RASAL2: variants seen among roughly 807,000 people sequenced by gnomAD.
RASAL2 encodes RAS protein activator like 2.
Under a neutral mutation model 128.9 loss-of-function variants are expected in RASAL2, and 58 were observed. The observed-to-expected ratio is 0.45, with a 90% confidence interval of 0.36 to 0.56. The LOEUF (loss-of-function observed/expected upper bound fraction) is 0.56, where lower values mean the gene tolerates loss of function less well. RASAL2 is among the 20% of genes least tolerant of loss of function. The pLI is 0.00. For missense variants in RASAL2, 1,360 were observed against 1,601.6 expected, an observed-to-expected ratio of 0.85 and a Z score of 2.57; for synonymous variants, 561 against 580.8, an observed-to-expected ratio of 0.97 and a Z score of 0.49.
intron 3 of RASAL2, among the ~76,000 whole-genome samples, chr1:178,360,290 T>G (rs1671040048): frequency 6.6e-6 from 1 of 152,162 alleles, no homozygotes; most frequent in Non-Finnish European, 1.5e-5. Flanking sequence ...GAAAAGGTGT[T>G]CTGGTCTGAT....
intron 1 of RASAL2, among the ~76,000 whole-genome samples, chr1:178,233,110 G>A (rs780329561): frequency 6.6e-6 from 1 of 152,194 alleles, no homozygotes; most frequent in African/African-American, 2.4e-5. Context: ...GGAAAATGGC[G>A]TAATAACATG....
rs182816245 is a variant in RASAL2 at position 178,476,270 on chromosome 1, G to C, written c.*3031G>C. On this transcript the variant is annotated 3_prime_UTR_variant, in exon 18 of 18. Coordinates refer to ENST00000367649, the MANE Select transcript of RASAL2 (RefSeq NM_170692.4). ...TTGACCATTAATGAGGACAGTGTTGGTAGGAGTCAGAAAAGAGCTTCATAT... is the reference window on the plus strand; with the variant it reads ...TTGACCATTAATGAGGACAGTGTTGCTAGGAGTCAGAAAAGAGCTTCATAT... 1 of 152,314 alleles carries C rather than the reference G, an allele frequency of 6.6e-6. No individual in the cohort carries two copies. The highest frequency in any genetic ancestry group is 1.9e-4 in the East Asian group (1 of 5,174). 9.4% of individuals were successfully genotyped at this position (152,314 alleles called of 1,614,324 possible). A position where few individuals can be genotyped will look rare whatever the true frequency, so the allele number is the denominator to read the frequency against.
intron 1 of RASAL2, among the ~76,000 whole-genome samples, chr1:178,246,731 G>C (rs931649127): frequency 6.6e-6 from 1 of 152,078 alleles, no homozygotes; most frequent in Admixed American, 6.6e-5. Flanking sequence ...ATTATTTTGA[G>C]ATATGTTCCA....
intron 4 of RASAL2, 43 bp downstream of exon 4, chr1:178,390,249 T>G: frequency 7.0e-7 from 1 of 1,427,716 alleles, no homozygotes; most frequent in Non-Finnish European, 9.8e-7. Flanking sequence ...ACTTTTCCTT[T>G]TCTCCTTTCT....
chr1:178,107,191 T>A (rs992443600), intron 1 of RASAL2, among the ~76,000 whole-genome samples: 1 of 152,200 alleles, frequency 6.6e-6, no homozygotes, highest in Non-Finnish European at 1.5e-5. Flanking sequence ...TGATTACTAT[T>A]TGACTCCCAA....
intron 1 of RASAL2, among the ~76,000 whole-genome samples, chr1:178,215,443 A>C (rs763348587): frequency 6.6e-6 from 1 of 152,236 alleles, no homozygotes; most frequent in African/African-American, 2.4e-5. Context: ...CAGGATTCTG[A>C]ATACTCCATT....
chr1:178,100,334 G>A (rs1302978003), intron 1 of RASAL2, among the ~76,000 whole-genome samples: 1 of 148,616 alleles, frequency 6.7e-6, no homozygotes, highest in African/African-American at 2.5e-5. Context: ...TGGCCAACAT[G>A]GTGAAACCTT....
At chr1:178,317,311 T>C (rs1668533799) in intron 3 of RASAL2, among the ~76,000 whole-genome samples, 1 of 146,714 alleles carries the variant, frequency 6.8e-6, no homozygotes. Context: ...CCTCATAAAA[T>C]GAGTTAGGGA....
At chr1:178,193,643 T>G (rs942435376) in intron 1 of RASAL2, among the ~76,000 whole-genome samples, 1 of 152,138 alleles carries the variant, frequency 6.6e-6, no homozygotes, top group Admixed American at 6.6e-5. Flanking sequence ...GTAGTTGATA[T>G]ATTATTTCCC....
intron 3 of RASAL2, among the ~76,000 whole-genome samples, chr1:178,304,725 C>G (rs1054691218): frequency 6.6e-6 from 1 of 152,124 alleles, no homozygotes; most frequent in African/African-American, 2.4e-5. Context: ...GAAAGCGTTT[C>G]CTCTTAGATC....
At chr1:178,222,061 T>A (rs1663633910) in intron 1 of RASAL2, among the ~76,000 whole-genome samples, 1 of 152,204 alleles carries the variant, frequency 6.6e-6, no homozygotes, top group African/African-American at 2.4e-5. Flanking sequence ...AATATAGTGA[T>A]TCCAGCTTTT....
chr1:178,158,292 G>A (rs886316409), intron 1 of RASAL2, among the ~76,000 whole-genome samples: 2 of 152,224 alleles, frequency 1.3e-5, no homozygotes, highest in Non-Finnish European at 2.9e-5. Context: ...TCAAAATCCC[G>A]TTCTGCCTCA....
intron 3 of RASAL2, among the ~76,000 whole-genome samples, chr1:178,380,675 TAATC>T (rs1672234527): frequency 6.6e-6 from 1 of 152,188 alleles, no homozygotes; most frequent in East Asian, 1.9e-4. Context: ...TCTATCTTAA[TAATC>T]CCTGCAGACA....
At chr1:178,328,042 C>T (rs1315289899) in intron 3 of RASAL2, among the ~76,000 whole-genome samples, 1 of 152,076 alleles carries the variant, frequency 6.6e-6, no homozygotes, top group East Asian at 1.9e-4. Context: ...TGATTTTGGA[C>T]TTCTGACTTC....
intron 15 of RASAL2, among the ~76,000 whole-genome samples, chr1:178,464,751 T>C (rs1170980931): frequency 1.3e-5 from 2 of 151,748 alleles, no homozygotes; most frequent in Non-Finnish European, 2.9e-5. Flanking sequence ...ATAAACTTGT[T>C]GGTCTTCACC....
chr1:178,408,189 A>T (rs1557965114), intron 4 of RASAL2, among the ~76,000 whole-genome samples: 1 of 152,194 alleles, frequency 6.6e-6, no homozygotes, highest in Non-Finnish European at 1.5e-5. Flanking sequence ...ATTTGAAAAA[A>T]TTGGATAGAG....
intron 4 of RASAL2, among the ~76,000 whole-genome samples, chr1:178,397,563 C>T (rs1673316962): frequency 6.6e-6 from 1 of 151,778 alleles, no homozygotes; most frequent in Non-Finnish European, 1.5e-5. Context: ...GATGGTTGCA[C>T]AGCTTTGGGG....
At chr1:178,256,954 A>G (rs111332426) in intron 1 of RASAL2, among the ~76,000 whole-genome samples, 1 of 152,120 alleles carries the variant, frequency 6.6e-6, no homozygotes, top group African/African-American at 2.4e-5. Flanking sequence ...GATTACAGGC[A>G]TGAGCCACTG....
intron 5 of RASAL2, among the ~76,000 whole-genome samples, chr1:178,422,693 CTTGGGTCAGATACATCAACTGCTGAAG>C (rs1675232847): frequency 6.6e-6 from 1 of 152,048 alleles, no homozygotes; most frequent in Non-Finnish European, 1.5e-5. Context: ...ACCTGATTTT[CTTGGGTCAGATACATCAACTGCTGAAG>C]TCAGCCACTT....
Sources: gnomAD v4.1 joint callset for allele counts (sites outside exome capture counted in the v4.1 genomes callset) on GRCh38, gnomAD v4.1.1 for gene constraint, MANE v1.5 for transcripts, NCBI Gene and HGNC (gene_info 2026-07-23, HGNC 2026-07-21) for gene names.